Variants in HDX observed in about 807,000 individuals in gnomAD.
The protein encoded by HDX is highly divergent homeobox, also known as chromosome X open reading frame 43.
In HDX, 19 loss-of-function variants were observed where a neutral mutation model predicts 45.2. That is an observed-to-expected ratio of 0.42 (90% CI 0.29 to 0.62). HDX has a LOEUF of 0.62. HDX is among the 20% of genes least tolerant of loss of function. The pLI is 0.20. For synonymous variants in HDX, 188 were observed against 172.8 expected, an observed-to-expected ratio of 1.09 and a Z score of -0.69; for missense variants, 532 against 493.9, an observed-to-expected ratio of 1.08 and a Z score of -0.73.
chrX:84,359,998 T>A (rs372198080), intron 6 of HDX, among the ~76,000 whole-genome samples: 1 of 111,542 alleles, frequency 9.0e-6, no homozygotes, highest in East Asian at 2.8e-4. Flanking sequence ...AATAGAAAAC[T>A]TACAGAAAGA....
At chrX:84,387,843 T>A (rs932496813) in intron 5 of HDX, among the ~76,000 whole-genome samples, 41 of 111,495 alleles carry the variant, frequency 3.7e-4, no homozygotes, top group Non-Finnish European at 7.2e-4. Flanking sequence ...CATGTGAGAT[T>A]TTGATTTTGT....
At chrX:84,361,918 A>C (rs1053841773) in intron 5 of HDX, among the ~76,000 whole-genome samples, 2 of 111,985 alleles carry the variant, frequency 1.8e-5, no homozygotes, top group African/African-American at 6.5e-5. Context: ...AAATAAGATA[A>C]TTTAAATCAC....
intron 5 of HDX, among the ~76,000 whole-genome samples, chrX:84,366,278 G>A (rs1007291556): frequency 9.0e-6 from 1 of 111,409 alleles, no homozygotes; most frequent in African/African-American, 3.3e-5. Context: ...ACTTACAAGG[G>A]ATGTGAAGGA....
chrX:84,408,499 G>GTTTTTTTTTTT (rs1220751208), intron 5 of HDX, among the ~76,000 whole-genome samples: 14 of 44,427 alleles, frequency 3.2e-4, no homozygotes, highest in East Asian at 2.5e-3. Flanking sequence ...CTCCAGCTTT[G>GTTTTTTTTTTT]TTTTTTTTTT....
intron 4 of HDX, among the ~76,000 whole-genome samples, chrX:84,453,882 C>T (rs1255663088): frequency 8.9e-6 from 1 of 111,964 alleles, no homozygotes; most frequent in Non-Finnish European, 1.9e-5. Context: ...TTGATAACAG[C>T]TCAGCCACAA....
intron 5 of HDX, among the ~76,000 whole-genome samples, chrX:84,399,953 G>A (rs924788014): frequency 2.0e-4 from 22 of 111,325 alleles, no homozygotes; most frequent in African/African-American, 6.5e-4. Flanking sequence ...TAGAATCAAT[G>A]ACAAAAACCA....
intron 10 of HDX, among the ~76,000 whole-genome samples, chrX:84,325,446 G>T (rs772198751): frequency 9.0e-6 from 1 of 110,974 alleles, no homozygotes; most frequent in East Asian, 2.8e-4. Flanking sequence ...ATGAAAATTT[G>T]GTATAATTTA....
rs1045290151 is a variant in HDX, at chrX:84,318,559, T to C, written c.*3330A>G. 9.0e-6 allele frequency: 1 copy of C among 110,726 alleles called. No individual in the cohort carries two copies. Among genetic ancestry groups the C allele is most frequent in the African/African-American group, 3.3e-5 (1 of 30,658 alleles). 9.1% of individuals were successfully genotyped at this position (110,726 alleles called of 1,213,427 possible). On this transcript the variant is annotated 3_prime_UTR_variant, in exon 11 of 11. Transcript: ENST00000373177. ...TCCCTTGGAAATGGGCTGAATCCGA[T>C]TCCCACCACCCCCACCAAAAAAGGC... is the stretch of plus-strand genomic sequence containing the variant.
chrX:84,459,390 C>A (rs1368046319), intron 4 of HDX, among the ~76,000 whole-genome samples: 1 of 108,082 alleles, frequency 9.3e-6, no homozygotes, highest in African/African-American at 3.4e-5. Flanking sequence ...TGCAGTGAGC[C>A]GAGATCATGT....
rs187950879 is a variant in HDX, at chrX:84,369,359, T to C, written c.1306-7747A>G. Among the ~76,000 whole-genome samples the C allele has an allele frequency of 1.8e-3, 199 of 112,248 alleles. No individual in the cohort carries two copies. The East Asian group carries it at 0.026, about 15-fold the overall frequency. ...GATTGTTTCCATGTTTTGGCTGTTG[T>C]GAATAATGGTATGCATATAGGCATA... On this transcript the variant is annotated intron_variant, in intron 5 of 10. Transcript: ENST00000373177.
At chrX:84,328,670 ATAC>A (rs1329005861) in intron 9 of HDX, among the ~76,000 whole-genome samples, 3 of 109,683 alleles carry the variant, frequency 2.7e-5, no homozygotes, top group Non-Finnish European at 3.8e-5. Context: ...CCCCAAAGAG[ATAC>A]TACTACTGAC....
chrX:84,323,004 T>C (rs2036628536), intron 10 of HDX, among the ~76,000 whole-genome samples: 1 of 110,658 alleles, frequency 9.0e-6, no homozygotes, highest in Non-Finnish European at 1.9e-5. Flanking sequence ...TGTTGGAGAA[T>C]ATATGAAATC....
chrX:84,455,623 A>G (rs1352134213), intron 4 of HDX, among the ~76,000 whole-genome samples: 2 of 112,000 alleles, frequency 1.8e-5, no homozygotes, highest in Admixed American at 1.9e-4. Context: ...TTTGGCCTCA[A>G]AGAGGAAGTA....
chrX:84,430,780 T>C (rs1408116142), intron 5 of HDX, among the ~76,000 whole-genome samples: 1 of 110,493 alleles, frequency 9.1e-6, no homozygotes, highest in Non-Finnish European at 1.9e-5. Flanking sequence ...ATTAGTAATG[T>C]TGAACATTTT....
chrX:84,396,349 C>T (rs2038563030), intron 5 of HDX, among the ~76,000 whole-genome samples: 1 of 111,960 alleles, frequency 8.9e-6, no homozygotes, highest in Admixed American at 9.5e-5. Flanking sequence ...TCTATGATAT[C>T]CTTGATGTTT....
At chrX:84,335,748 T>C (rs1055629010) in intron 8 of HDX, among the ~76,000 whole-genome samples, 2 of 111,332 alleles carry the variant, frequency 1.8e-5, no homozygotes, top group Non-Finnish European at 3.8e-5. Flanking sequence ...TTTTCCTGTA[T>C]GCTTGTTAAA....
chrX:84,448,572 G>A (rs1301875894), intron 4 of HDX, among the ~76,000 whole-genome samples: 2 of 110,525 alleles, frequency 1.8e-5, no homozygotes, highest in Non-Finnish European at 3.8e-5. Context: ...CAAGGACTAT[G>A]CTAATGGACA....
rs2040800603 is a variant in HDX at position 84,486,732 on chromosome X, G to A, written c.-1+1292C>T. ...GTCATTCATACCCTTGTTTTCCTAT[G>A]TATATGCTGTTTTTCTATGGCTATT... On this transcript the variant is annotated intron_variant, in intron 2 of 10. Coordinates refer to ENST00000373177, the MANE Select transcript of HDX (RefSeq NM_001177479.2). 4.6e-5 allele frequency among the ~76,000 whole-genome samples: 5 copies of A among 108,973 alleles called. 1 individual carries two copies. In the Admixed American group the frequency reaches 4.9e-4, roughly 11 times the overall value. The allele number at this position is 108,973 out of a possible 115,157, so 94.6% of individuals were successfully genotyped here. A position where few individuals can be genotyped will look rare whatever the true frequency, so the allele number is the denominator to read the frequency against.
chrX:84,406,469 T>TACACACAC (rs369018765), intron 5 of HDX, among the ~76,000 whole-genome samples: 1 of 86,536 alleles, frequency 1.2e-5, no homozygotes, highest in African/African-American at 4.3e-5. Context: ...TAATCTCACA[T>TACACACAC]ACACACACAC....
Sources: gnomAD v4.1 joint callset for allele counts (sites outside exome capture counted in the v4.1 genomes callset) on GRCh38, gnomAD v4.1.1 for gene constraint, MANE v1.5 for transcripts, NCBI Gene and HGNC (gene_info 2026-07-23, HGNC 2026-07-21) for gene names.